Variants in ADAMTS20 observed in about 807,000 individuals in gnomAD.
ADAMTS20 encodes ADAM metallopeptidase with thrombospondin type 1 motif 20, also known as A disintegrin and metalloproteinase with thrombospondin motifs 20.
A neutral mutation model predicts 260.1 loss-of-function variants in ADAMTS20; 225 were observed. That is an observed-to-expected ratio of 0.87 (90% CI 0.78 to 0.97). The LOEUF (loss-of-function observed/expected upper bound fraction) is 0.97. Among genes scored for constraint, ADAMTS20 ranks in the 50% least tolerant of loss-of-function variants. The pLI is 0.00. For missense variants in ADAMTS20, 2,400 were observed against 2,337.7 expected (o/e 1.03, Z -0.55); for synonymous variants, 802 against 769.5 (o/e 1.04, Z -0.70).
chr12:43,378,238 A>G (rs1395883184), intron 31 of ADAMTS20, among the ~76,000 whole-genome samples: 1 of 152,216 alleles, frequency 6.6e-6, no homozygotes, highest in Non-Finnish European at 1.5e-5. Flanking sequence ...GACACTATAA[A>G]ATCATTCCAG....
chr12:43,479,549 TA>T (rs757430493), intron 7 of ADAMTS20, among the ~76,000 whole-genome samples: 11 of 152,224 alleles, frequency 7.2e-5, no homozygotes, highest in Non-Finnish European at 1.2e-4. Context: ...CACACATTCA[TA>T]AATATTTAAA....
intron 28 of ADAMTS20, among the ~76,000 whole-genome samples, chr12:43,409,787 G>A (rs1477231961): frequency 6.6e-6 from 1 of 151,982 alleles, no homozygotes; most frequent in Non-Finnish European, 1.5e-5. Context: ...GTATAGCAAA[G>A]TAAATTTTAA....
At position 43,551,840 on chromosome 12, in the gene ADAMTS20, G is replaced by T. The variant is rs565838988; in HGVS notation, c.82C>A (p.Pro28Thr). The change falls in exon 1 of 39, where the codon CCC (proline) becomes ACC (threonine). Residue 28 changes from proline (P) to threonine (T), a missense_variant. Physicochemically the swap from Pro to Thr is conservative, Grantham distance 38 (BLOSUM62 -1). Coordinates refer to ENST00000389420, the MANE Select transcript of ADAMTS20 (RefSeq NM_025003.5). This position sits in a 1 kb window ranked among gnomAD's most constrained non-coding sequence, Gnocchi z 4.6. ...ITRSWEVDFH[P>T]RQEALVRTLT... is the part of the protein sequence containing the mutation. ...CTCGCGGTGACTTTACCTTGCCTGGGGTGGAAGTCAACTTCCCAAGACCTG... is the reference window on the plus strand; with the variant it reads ...CTCGCGGTGACTTTACCTTGCCTGGTGTGGAAGTCAACTTCCCAAGACCTG... The T allele has an allele frequency of 1.6e-5, 26 of 1,613,620 alleles. No individual in the cohort carries two copies. The East Asian group carries it at 5.4e-4, about 33-fold the overall frequency.
In ADAMTS20 at chr12:43,391,141, C is replaced by T. The variant is rs923974329; in HGVS notation, c.4453-7164G>A. On this transcript the variant is annotated intron_variant, in intron 29 of 38. Coordinates refer to ENST00000389420, the MANE Select transcript of ADAMTS20 (RefSeq NM_025003.5). ...CTACTTTCTGATCTGTAGAAGGGTG[C>T]CTTCTCACTGTGTCGTCACATGGGT... 5.3e-5 allele frequency among the ~76,000 whole-genome samples: 8 copies of T among 152,148 alleles called. No homozygotes were observed. The East Asian group carries it at 7.7e-4, about 15-fold the overall frequency.
intron 3 of ADAMTS20, among the ~76,000 whole-genome samples, chr12:43,511,562 GA>G (rs752205118): frequency 1.4e-4 from 22 of 152,242 alleles, no homozygotes; most frequent in Non-Finnish European, 1.9e-4. Context: ...GGTAGTGAGA[GA>G]GGGAAATGAA....
At chr12:43,489,413 A>G (rs1038930463) in intron 7 of ADAMTS20, among the ~76,000 whole-genome samples, 4 of 151,902 alleles carry the variant, frequency 2.6e-5, no homozygotes, top group African/African-American at 9.7e-5. Flanking sequence ...TAAGAAAGCA[A>G]CAAATACCAC....
intron 28 of ADAMTS20, among the ~76,000 whole-genome samples, chr12:43,415,944 G>T (rs1384273246): frequency 6.6e-6 from 1 of 152,136 alleles, no homozygotes; most frequent in Non-Finnish European, 1.5e-5. Flanking sequence ...CTCTCAGATT[G>T]ACTTTTTCAC....
intron 32 of ADAMTS20, among the ~76,000 whole-genome samples, chr12:43,377,023 G>T (rs113415712): frequency 2.0e-5 from 3 of 152,130 alleles, no homozygotes; most frequent in East Asian, 3.8e-4. Context: ...ATTGGAAATA[G>T]AATATGATAT....
chr12:43,389,710 G>C (rs1258382143), intron 29 of ADAMTS20, among the ~76,000 whole-genome samples: 1 of 151,882 alleles, frequency 6.6e-6, no homozygotes, highest in Admixed American at 6.6e-5. Flanking sequence ...TTTTGTTTTT[G>C]TTTTTGTTTT....
At chr12:43,385,386 C>T (rs1030590741) in intron 29 of ADAMTS20, among the ~76,000 whole-genome samples, 1 of 152,274 alleles carries the variant, frequency 6.6e-6, no homozygotes, top group South Asian at 2.1e-4. Context: ...AATTTTCTCC[C>T]ATTCTGTAAA....
intron 31 of ADAMTS20, among the ~76,000 whole-genome samples, chr12:43,380,646 G>A (rs1366861966): frequency 6.6e-6 from 1 of 151,830 alleles, no homozygotes; most frequent in African/African-American, 2.4e-5. Context: ...GAAACTAATA[G>A]AACAATTCCA....
At chr12:43,466,887 A>G (rs1317944105) in intron 8 of ADAMTS20, 92 bp from the exon 9 acceptor site, 2 of 924,588 alleles carry the variant, frequency 2.2e-6, no homozygotes, top group Non-Finnish European at 3.1e-6. Context: ...AATACAATAT[A>G]AAATATAGAT....
At chr12:43,463,030 T>G in intron 10 of ADAMTS20, 31 bp from the exon 11 acceptor site, 2 of 1,501,682 alleles carry the variant, frequency 1.3e-6, no homozygotes, top group Non-Finnish European at 1.8e-6. Context: ...GGCAAGCCAG[T>G]GTAAAGATAA....
intron 28 of ADAMTS20, among the ~76,000 whole-genome samples, chr12:43,416,773 C>T (rs529459145): frequency 4.6e-5 from 7 of 152,188 alleles, no homozygotes; most frequent in South Asian, 4.1e-4. Context: ...CCGACCGCCT[C>T]GGCCTCCCAA....
chr12:43,446,601 GA>G lies in ADAMTS20; in HGVS notation c.2190del (p.His731IlefsTer8). The G allele has an allele frequency of 2.5e-6, 4 of 1,610,944 alleles. No homozygotes were observed. Among genetic ancestry groups the G allele is most frequent in the Non-Finnish European group, 2.5e-6 (3 of 1,177,556 alleles). ...AAACAAATACACAACTTACCATAAT[GA>G]GAACTGTTGAAGACACCTGTTATTG... ...CKTITGVFNS[S>X]HYGYNVVVKI... On this transcript the variant is annotated frameshift_variant, in exon 15 of 39. Transcript: ENST00000389420. LOFTEE classifies it high-confidence loss of function.
chr12:43,374,701 C>A (rs1244339829), intron 36 of ADAMTS20, among the ~76,000 whole-genome samples: 1 of 152,026 alleles, frequency 6.6e-6, no homozygotes, highest in South Asian at 2.1e-4. Flanking sequence ...TGGGAAAATA[C>A]CTGATAAATT....
At chr12:43,375,119 C>A (rs1940192904) in intron 36 of ADAMTS20, among the ~76,000 whole-genome samples, 1 of 140,634 alleles carries the variant, frequency 7.1e-6, no homozygotes, top group Non-Finnish European at 1.5e-5. Flanking sequence ...TTGCAGTAAG[C>A]CAAGATCATG....
chr12:43,420,435 AT>A (rs1941204312), intron 28 of ADAMTS20, among the ~76,000 whole-genome samples: 1 of 152,198 alleles, frequency 6.6e-6, no homozygotes, highest in Admixed American at 6.5e-5. Flanking sequence ...TATAAAATTT[AT>A]TTTTAAAATA....
At chr12:43,486,929 A>G (rs995771985) in intron 7 of ADAMTS20, among the ~76,000 whole-genome samples, 5 of 152,144 alleles carry the variant, frequency 3.3e-5, no homozygotes, top group Non-Finnish European at 7.4e-5. Flanking sequence ...AACAACAGAT[A>G]TTGGCATAGA....
Sources: allele counts gnomAD v4.1 joint callset (sites outside exome capture counted in the v4.1 genomes callset), GRCh38; gene constraint gnomAD v4.1.1; non-coding constraint Gnocchi (gnomAD v3.1); transcripts MANE v1.5; gene names NCBI Gene and HGNC (gene_info 2026-07-23, HGNC 2026-07-21).